Variants in IFT43 observed in about 807,000 individuals in gnomAD.
IFT43 encodes intraflagellar transport 43, also known as intraflagellar transport protein 43 homolog.
IFT43 carries 33 observed loss-of-function variants against 32.3 expected under a neutral mutation model. That is an observed-to-expected ratio of 1.02 (90% CI 0.77 to 1.37). The LOEUF is 1.37. IFT43 is among the 40% of genes most tolerant of loss of function. The pLI is 0.00. For missense variants in IFT43, 274 were observed against 265.9 expected, an observed-to-expected ratio of 1.03 and a Z score of -0.21; for synonymous variants, 93 against 98.2, an observed-to-expected ratio of 0.95 and a Z score of 0.31.
At chr14:75,996,985 G>A (rs887529799) in intron 2 of IFT43, among the ~76,000 whole-genome samples, 2 of 152,218 alleles carry the variant, frequency 1.3e-5, no homozygotes, top group African/African-American at 4.8e-5. Flanking sequence ...AGAAGTGTCA[G>A]GTAGAGGTGA....
rs143907188 is a variant in IFT43 at position 76,059,914 on chromosome 14, A to C, written c.295+541A>C. Among the ~76,000 whole-genome samples, 4 of 152,354 alleles carry C rather than the reference A, an allele frequency of 2.6e-5. No individual in the cohort carries two copies. In the East Asian group the frequency reaches 7.7e-4, roughly 29 times the overall value. ...GTGAGTAGAGCCAGGATTTGAGTAC[A>C]GTTAGGATGTACTGTGCTTTAACTC... is the stretch of plus-strand genomic sequence containing the variant. On this transcript the variant is annotated intron_variant, in intron 5 of 8. Coordinates refer to ENST00000314067, the MANE Select transcript of IFT43 (RefSeq NM_001102564.3).
chr14:76,055,267 A>G (rs10141539), intron 3 of IFT43, among the ~76,000 whole-genome samples: 127,058 of 151,540 alleles, frequency 0.84, 53,386 homozygotes, highest in Non-Finnish European at 0.87. Flanking sequence ...GATAACATGA[A>G]CTCAGGAGTT....
intron 2 of IFT43, among the ~76,000 whole-genome samples, chr14:75,992,363 G>A (rs1351214754): frequency 6.6e-6 from 1 of 152,172 alleles, no homozygotes; most frequent in Admixed American, 6.5e-5. Context: ...CACTGTGCAA[G>A]CATTCATTCA....
chr14:76,047,679 G>A (rs879172960), intron 3 of IFT43, among the ~76,000 whole-genome samples: 3 of 151,050 alleles, frequency 2.0e-5, no homozygotes, highest in Non-Finnish European at 4.4e-5. Context: ...AGGACTGCCC[G>A]CCCGCCTGCC....
chr14:76,003,551 T>A (rs1171338404), intron 2 of IFT43, among the ~76,000 whole-genome samples: 4 of 151,080 alleles, frequency 2.6e-5, no homozygotes, highest in Non-Finnish European at 5.9e-5. Context: ...GCTTGAACTG[T>A]GACCCAGGAG....
chr14:76,050,432 T>C (rs981276979), intron 3 of IFT43, among the ~76,000 whole-genome samples: 1 of 152,062 alleles, frequency 6.6e-6, no homozygotes, highest in Non-Finnish European at 1.5e-5. Flanking sequence ...GTGGGAGTGT[T>C]TGGATGTGGT....
intron 2 of IFT43, among the ~76,000 whole-genome samples, chr14:76,003,300 G>C (rs1187275132): frequency 6.6e-6 from 1 of 151,580 alleles, no homozygotes; most frequent in African/African-American, 2.4e-5. Context: ...TTTAAAATAT[G>C]CATCCTTATC....
At chr14:76,021,266 C>CA (rs1203129363) in intron 2 of IFT43, among the ~76,000 whole-genome samples, 1 of 152,112 alleles carries the variant, frequency 6.6e-6, no homozygotes, top group Non-Finnish European at 1.5e-5. Context: ...GCAGCAGTGG[C>CA]AGGGGTTGGT....
At chr14:75,988,120 T>G (rs1452137325) in intron 1 of IFT43, among the ~76,000 whole-genome samples, 3 of 152,226 alleles carry the variant, frequency 2.0e-5, no homozygotes, top group Admixed American at 2.0e-4. Flanking sequence ...CTGCATTTCT[T>G]TGGGTAGAAA....
At chr14:76,010,112 C>T (rs2036055564) in intron 2 of IFT43, among the ~76,000 whole-genome samples, 1 of 152,128 alleles carries the variant, frequency 6.6e-6, no homozygotes, top group East Asian at 1.9e-4. Flanking sequence ...TCTTCTACCA[C>T]ATTGTTTTCT....
intron 2 of IFT43, among the ~76,000 whole-genome samples, chr14:76,005,593 T>A (rs541548940): frequency 6.6e-6 from 1 of 152,230 alleles, no homozygotes. Flanking sequence ...GTGTATGTAT[T>A]TGGGGGCTCC....
chr14:76,042,507 G>C (rs375179654), intron 3 of IFT43, among the ~76,000 whole-genome samples: 1 of 152,182 alleles, frequency 6.6e-6, no homozygotes, highest in Non-Finnish European at 1.5e-5. Context: ...ATAATAGCAA[G>C]GAGTGCATGC....
At position 76,029,838 on chromosome 14, in the gene IFT43, T is replaced by A. The variant is rs186465536; in HGVS notation, c.215+7444T>A. Among the ~76,000 whole-genome samples, 35 of 146,682 alleles carry A rather than the reference T, an allele frequency of 2.4e-4. No homozygotes were observed. In the East Asian group the frequency reaches 6.3e-3, roughly 26 times the overall value. On this transcript the variant is annotated intron_variant, in intron 3 of 8. Transcript: ENST00000314067. ...TGGCCTCTGTGCCTATTTTTGTACT[T>A]TTTTTATTTTTATTTTTATTTTATT...
intron 5 of IFT43, among the ~76,000 whole-genome samples, chr14:76,061,009 C>T (rs1275362549): frequency 6.6e-6 from 1 of 151,966 alleles, no homozygotes; most frequent in Non-Finnish European, 1.5e-5. Context: ...TTAAGTAATT[C>T]TCCTGCCTCA....
At chr14:76,020,342 T>G (rs1460474014) in intron 2 of IFT43, among the ~76,000 whole-genome samples, 1 of 152,192 alleles carries the variant, frequency 6.6e-6, no homozygotes, top group African/African-American at 2.4e-5. Flanking sequence ...TTTTGAATTC[T>G]TTTTTATCCA....
chr14:76,001,245 A>C (rs2035879753), intron 2 of IFT43, among the ~76,000 whole-genome samples: 1 of 152,248 alleles, frequency 6.6e-6, no homozygotes, highest in East Asian at 1.9e-4. Context: ...AAAACAATTC[A>C]AAATTATAGA....
At chr14:76,049,178 T>A (rs577888146) in intron 3 of IFT43, among the ~76,000 whole-genome samples, 2 of 152,344 alleles carry the variant, frequency 1.3e-5, no homozygotes, top group East Asian at 3.9e-4. Context: ...TTTCTACTAG[T>A]CTCAGTCACC....
intron 1 of IFT43, among the ~76,000 whole-genome samples, chr14:75,987,168 T>C (rs1400782380): frequency 6.6e-6 from 1 of 152,160 alleles, no homozygotes; most frequent in African/African-American, 2.4e-5. Flanking sequence ...AGCGACAAGA[T>C]CATTGAATTT....
rs193070134 is a variant in IFT43 at position 76,057,052 on chromosome 14, G to A, written c.216-1590G>A. On this transcript the variant is annotated intron_variant, in intron 3 of 8. Transcript: ENST00000314067. ...TTTAAGGGTCAGAAACTGCAGCCTG[G>A]GAGATTCCCTTAGAGTTGTTACACC... 4.4e-4 allele frequency among the ~76,000 whole-genome samples: 67 copies of A among 152,118 alleles called. 1 individual carries two copies. The highest frequency in any genetic ancestry group is 8.5e-4 in the Non-Finnish European group (58 of 68,002).
Sources: allele counts gnomAD v4.1 joint callset (sites outside exome capture counted in the v4.1 genomes callset), GRCh38; gene constraint gnomAD v4.1.1; transcripts MANE v1.5; gene names NCBI Gene and HGNC (gene_info 2026-07-23, HGNC 2026-07-21).